GOT1: variants seen among roughly 807,000 people sequenced by gnomAD.
GOT1 encodes aspartate aminotransferase, cytoplasmic.
A neutral mutation model predicts 48.2 loss-of-function variants in GOT1; 25 were observed. The observed-to-expected ratio is 0.52, with a 90% CI of 0.38 to 0.72. GOT1 has a LOEUF of 0.72. Among genes scored for constraint, GOT1 ranks in the 30% least tolerant of loss-of-function variants. The pLI, the probability that GOT1 is intolerant of heterozygous loss-of-function variation, is 0.00. For synonymous variants in GOT1, 188 were observed against 193.8 expected (o/e 0.97, Z 0.25); for missense variants, 380 against 520.1 (o/e 0.73, Z 2.62).
chr10:99,406,596 C>G (rs1445862600), intron 3 of GOT1, 130 bp downstream of exon 3: 1 of 844,208 alleles, frequency 1.2e-6, no homozygotes, highest in African/African-American at 1.7e-5. Context: ...TGCCATAACC[C>G]ACTGTTCAAG....
chr10:99,412,115 T>C (rs1024633097), intron 2 of GOT1, among the ~76,000 whole-genome samples: 1 of 152,090 alleles, frequency 6.6e-6, no homozygotes, highest in African/African-American at 2.4e-5. Context: ...AGGGAGGGCA[T>C]TCCAAATGGA....
Position 99,403,880 on chromosome 10 carries a change from G to A in GOT1, c.643-6C>T, listed in dbSNP as rs1382451631. On this transcript the variant is annotated splice_region_variant and splice_polypyrimidine_tract_variant and intron_variant, in intron 5 of 8. Coordinates refer to ENST00000370508, the MANE Select transcript of GOT1 (RefSeq NM_002079.3). ...AAGGGGAACAGAAACCGGTGCTGCG[G>A]GGAAGCAAAGTGAGTCAGGGCAGGA... The A allele has an allele frequency of 6.2e-7, 1 of 1,613,148 alleles. No homozygotes were observed. Among genetic ancestry groups the A allele is most frequent in the East Asian group, 2.2e-5 (1 of 44,878 alleles).
Position 99,430,585 on chromosome 10 carries a change from A to C in GOT1, c.-20T>G. 1.9e-6 allele frequency: 3 copies of C among 1,565,714 alleles called. No homozygotes were observed. The highest frequency in any genetic ancestry group is 2.6e-6 in the Non-Finnish European group (3 of 1,150,294). The stretch of plus-strand genomic sequence containing the variant: ...TGCCATATCGAGAGACTAGGAATCA[A>C]GAGATTTCACCCCACGCCCGGAGCT... On this transcript the variant is annotated 5_prime_UTR_variant, in exon 1 of 9. Transcript: ENST00000370508.
At chr10:99,406,070 G>C in intron 4 of GOT1, 67 bp downstream of exon 4, 13 of 1,095,142 alleles carry the variant, frequency 1.2e-5, no homozygotes, top group Non-Finnish European at 1.8e-5. Context: ...TTAGCAACTG[G>C]TCCAAAGACT....
At chr10:99,417,161 C>T (rs1157504740) in intron 2 of GOT1, among the ~76,000 whole-genome samples, 3 of 152,002 alleles carry the variant, frequency 2.0e-5, no homozygotes, top group East Asian at 3.9e-4. Flanking sequence ...AATGGGAGAA[C>T]ATTTTTGCAA....
chr10:99,408,443 G>A (rs997863200), intron 2 of GOT1, among the ~76,000 whole-genome samples: 3 of 152,210 alleles, frequency 2.0e-5, no homozygotes, highest in Non-Finnish European at 4.4e-5. Context: ...CTAGCCGGGC[G>A]CAGTGGCTCA....
chr10:99,416,738 C>T (rs368049137), intron 2 of GOT1, among the ~76,000 whole-genome samples: 1 of 152,196 alleles, frequency 6.6e-6, no homozygotes, highest in South Asian at 2.1e-4. Flanking sequence ...GAGATATAGA[C>T]CAATGGAACA....
intron 2 of GOT1, among the ~76,000 whole-genome samples, chr10:99,417,250 C>T (rs1364546867): frequency 6.6e-6 from 1 of 152,110 alleles, no homozygotes; most frequent in Non-Finnish European, 1.5e-5. Context: ...ACAAACAACC[C>T]CATCAACAAG....
chr10:99,415,655 A>G (rs1256528970), intron 2 of GOT1, among the ~76,000 whole-genome samples: 1 of 152,212 alleles, frequency 6.6e-6, no homozygotes, highest in Non-Finnish European at 1.5e-5. Context: ...AGAATTTTAG[A>G]CCAATATCCC....
At chr10:99,411,930 A>T (rs1010260244) in intron 2 of GOT1, among the ~76,000 whole-genome samples, 3 of 152,248 alleles carry the variant, frequency 2.0e-5, no homozygotes, top group Non-Finnish European at 4.4e-5. Flanking sequence ...AAAATTATCC[A>T]TTATAGTAAG....
chr10:99,401,968 C>T (rs970707038), intron 8 of GOT1, among the ~76,000 whole-genome samples: 6 of 151,808 alleles, frequency 4.0e-5, no homozygotes, highest in African/African-American at 1.2e-4. Flanking sequence ...CCACCACGCC[C>T]GGCTAATTTT....
intron 2 of GOT1, among the ~76,000 whole-genome samples, chr10:99,415,414 GACCA>G (rs2032882406): frequency 6.6e-6 from 1 of 152,128 alleles, no homozygotes; most frequent in Admixed American, 6.5e-5. Context: ...TCTCTGAATA[GACCA>G]ATAACAGGAG....
Position 99,397,655 on chromosome 10 carries a change from C to T in GOT1, c.1134G>A (p.Lys378=). The T allele has an allele frequency of 3.7e-6, 6 of 1,614,096 alleles. No individual in the cohort carries two copies. The highest frequency in any genetic ancestry group is 4.2e-6 in the Non-Finnish European group (5 of 1,179,976). The change falls in exon 9 of 9, where the codon AAG becomes AAA. Residue 378 remains lysine (K), a synonymous_variant. Coordinates refer to ENST00000370508, the MANE Select transcript of GOT1 (RefSeq NM_002079.3). This position sits in a 1 kb window ranked among gnomAD's most constrained non-coding sequence, Gnocchi z 5.4. The part of the protein sequence containing the change: ...PKQVEYLVNE[K]HIYLLPSGRI... ...GACCACTTGGCAGCAGGTAGATGTG[C>T]TTTTCATTGACCAGATACTCAACCT...
chr10:99,427,443 G>A (rs1321691649), intron 1 of GOT1, among the ~76,000 whole-genome samples: 8 of 152,084 alleles, frequency 5.3e-5, no homozygotes, highest in Admixed American at 2.6e-4. Context: ...TAATTTTTTT[G>A]TATTTTTAGT....
At chr10:99,414,780 A>T (rs1255790878) in intron 2 of GOT1, among the ~76,000 whole-genome samples, 2 of 152,238 alleles carry the variant, frequency 1.3e-5, no homozygotes, top group Non-Finnish European at 2.9e-5. Flanking sequence ...ACTCAGGATT[A>T]AGAAACTCAC....
At chr10:99,422,986 A>G (rs2032990626) in intron 1 of GOT1, among the ~76,000 whole-genome samples, 2 of 152,234 alleles carry the variant, frequency 1.3e-5, no homozygotes, top group South Asian at 2.1e-4. Context: ...GTATGCAAAT[A>G]TATCTGTAAG....
At chr10:99,400,510 C>T (rs11815136) in intron 8 of GOT1, among the ~76,000 whole-genome samples, 5,113 of 151,920 alleles carry the variant, frequency 0.034, 301 homozygotes, top group African/African-American at 0.12. Flanking sequence ...TGGTGGTTCA[C>T]GCCTGTGGTC....
chr10:99,420,831 T>C, intron 1 of GOT1, 26 bp from the exon 2 acceptor site: 2 of 1,574,394 alleles, frequency 1.3e-6, no homozygotes, highest in Non-Finnish European at 1.7e-6. Flanking sequence ...GAGTTATACA[T>C]AGTGGAGGCT....
At chr10:99,408,273 T>C (rs2032785928) in intron 2 of GOT1, among the ~76,000 whole-genome samples, 1 of 152,210 alleles carries the variant, frequency 6.6e-6, no homozygotes, top group Non-Finnish European at 1.5e-5. Flanking sequence ...ATTCTAATGA[T>C]GTAGTTCTCT....
Sources: allele counts gnomAD v4.1 joint callset (sites outside exome capture counted in the v4.1 genomes callset), GRCh38; gene constraint gnomAD v4.1.1; non-coding constraint Gnocchi (gnomAD v3.1); transcripts MANE v1.5; gene names NCBI Gene and HGNC (gene_info 2026-07-23, HGNC 2026-07-21).